The following DENND5B variants were observed in gnomAD, a reference collection of about 807,000 sequenced individuals.
DENND5B encodes the protein DENN domain containing 5B.
A neutral mutation model predicts 140.6 loss-of-function variants in DENND5B; 34 were observed. That is an observed-to-expected ratio of 0.24 (90% confidence interval 0.18 to 0.32). The LOEUF (loss-of-function observed/expected upper bound fraction) is 0.32. DENND5B is among the 10% of genes least tolerant of loss of function. The probability of loss-of-function intolerance (pLI) is 1.00; values close to 1 mark genes in which losing one functional copy is unlikely to be tolerated. For missense variants in DENND5B, 1,142 were observed against 1,560.2 expected (o/e 0.73, Z 4.52); for synonymous variants, 551 against 562.1 (o/e 0.98, Z 0.28).
intron 1 of DENND5B, among the ~76,000 whole-genome samples, chr12:31,585,943 C>T (rs1031887445): frequency 2.0e-5 from 3 of 152,208 alleles, no homozygotes; most frequent in East Asian, 1.9e-4. Context: ...CTGGTCATCA[C>T]ATAATTTGTA....
At position 31,436,344 on chromosome 12, in the gene DENND5B, G is replaced by C. The variant is rs190316859; in HGVS notation, c.2013-3096C>G. 8.6e-5 allele frequency among the ~76,000 whole-genome samples: 13 copies of C among 151,960 alleles called. No individual in the cohort carries two copies. The East Asian group carries it at 2.5e-3, about 30-fold the overall frequency. On this transcript the variant is annotated intron_variant, in intron 7 of 20. Transcript: ENST00000389082. ...TCGAACTCCTGACCTCAAGTGATCT[G>C]CCCGCCTCGGCCTCCCAAAGTGCTG...
At chr12:31,503,554 A>T (rs1350391298) in intron 1 of DENND5B, among the ~76,000 whole-genome samples, 1 of 152,220 alleles carries the variant, frequency 6.6e-6, no homozygotes, top group Non-Finnish European at 1.5e-5. Flanking sequence ...CTGTGTCTAA[A>T]CAAACAATTG....
chr12:31,473,780 G>A (rs1353963638), intron 3 of DENND5B, among the ~76,000 whole-genome samples: 1 of 152,198 alleles, frequency 6.6e-6, no homozygotes, highest in Non-Finnish European at 1.5e-5. Flanking sequence ...TAATGGGAGA[G>A]GACAGTGCCC....
intron 1 of DENND5B, among the ~76,000 whole-genome samples, chr12:31,578,004 A>G (rs1449518800): frequency 3.3e-5 from 5 of 152,006 alleles, no homozygotes; most frequent in African/African-American, 1.2e-4. Context: ...ACACACACCT[A>G]TAGTCCCAGC....
At chr12:31,447,860 C>T in intron 5 of DENND5B, 91 bp from the exon 6 acceptor site, 1 of 888,036 alleles carries the variant, frequency 1.1e-6, no homozygotes. Context: ...TCAGGACATT[C>T]CTTTTTTAAA....
chr12:31,583,720 C>G (rs1236928661), intron 1 of DENND5B, among the ~76,000 whole-genome samples: 1 of 151,674 alleles, frequency 6.6e-6, no homozygotes, highest in Non-Finnish European at 1.5e-5. Context: ...ACAACAACAA[C>G]AAGAATTTAG....
intron 13 of DENND5B, among the ~76,000 whole-genome samples, chr12:31,410,108 T>C (rs770420832): frequency 3.3e-5 from 5 of 152,186 alleles, no homozygotes; most frequent in Non-Finnish European, 7.4e-5. Context: ...ATCAAACTAA[T>C]AAAGACTTAA....
intron 7 of DENND5B, among the ~76,000 whole-genome samples, chr12:31,435,179 G>A (rs536013198): frequency 2.6e-5 from 4 of 151,820 alleles, no homozygotes; most frequent in South Asian, 2.1e-4. Flanking sequence ...TTTCTCTCAC[G>A]ACTACCCATG....
intron 2 of DENND5B, among the ~76,000 whole-genome samples, chr12:31,490,237 GCGA>G (rs1364813948): frequency 6.6e-6 from 1 of 151,802 alleles, no homozygotes. Flanking sequence ...AAGGAAACGG[GCGA>G]GAGGATGGGG....
Position 31,442,839 on chromosome 12 carries a change from A to G in DENND5B, c.1948T>C (p.Tyr650His). 6.2e-7 allele frequency: 1 copy of G among 1,613,388 alleles called. No homozygotes were observed. Among genetic ancestry groups the G allele is most frequent in the Non-Finnish European group, 8.5e-7 (1 of 1,179,732 alleles). ...LLDMKIGQGK[Y>H]EQGFFPKLQS... Reference sequence around the variant, plus strand: ...AACTTTGGAAAGAACCCCTGCTCATATTTGCCTTGACCAATTTTCATATCA... The same window carrying G: ...AACTTTGGAAAGAACCCCTGCTCATGTTTGCCTTGACCAATTTTCATATCA... The change falls in exon 7 of 21, where the codon TAT becomes CAT. Residue 650 changes from tyrosine (Y) to histidine (H), a missense_variant. Tyr to His is a moderately conservative substitution (Grantham distance 83). Transcript: ENST00000389082.
chr12:31,500,095 T>C (rs1946943844), intron 1 of DENND5B, among the ~76,000 whole-genome samples: 1 of 152,232 alleles, frequency 6.6e-6, no homozygotes, highest in Non-Finnish European at 1.5e-5. Context: ...ATTTGCATTA[T>C]ATTTACAGGT....
chr12:31,550,157 G>A (rs1343347935), intron 1 of DENND5B, among the ~76,000 whole-genome samples: 2 of 150,414 alleles, frequency 1.3e-5, no homozygotes, highest in Non-Finnish European at 3.0e-5. Flanking sequence ...CTGGTGTGCT[G>A]CACCCATTAA....
chr12:31,460,835 C>G (rs1944982765), intron 3 of DENND5B, among the ~76,000 whole-genome samples: 1 of 151,986 alleles, frequency 6.6e-6, no homozygotes, highest in Admixed American at 6.6e-5. Flanking sequence ...AAGCGATTCT[C>G]CTGCCTCAGC....
chr12:31,432,464 A>C (rs1943551333), intron 8 of DENND5B: 1 of 152,112 alleles, frequency 6.6e-6, no homozygotes, highest in Non-Finnish European at 1.5e-5. Context: ...TCTTTTGATC[A>C]TAAGAAACGA....
At chr12:31,523,623 G>T (rs529683876) in intron 1 of DENND5B, among the ~76,000 whole-genome samples, 3 of 150,296 alleles carry the variant, frequency 2.0e-5, no homozygotes, top group African/African-American at 7.3e-5. Flanking sequence ...AAAAAAAGTC[G>T]TACAACACTG....
chr12:31,590,652 C>A, intron 1 of DENND5B, 54 bp downstream of exon 1: 1 of 1,409,134 alleles, frequency 7.1e-7, no homozygotes, highest in Non-Finnish European at 9.2e-7. Context: ...CGCGTCCCCA[C>A]AGCGTCCCCC....
At chr12:31,482,461 T>C (rs1946103973) in intron 2 of DENND5B, among the ~76,000 whole-genome samples, 2 of 152,216 alleles carry the variant, frequency 1.3e-5, no homozygotes, top group African/African-American at 4.8e-5. Flanking sequence ...GACAAAAACC[T>C]TGGAGTCATC....
At position 31,452,010 on chromosome 12, in the gene DENND5B, A is replaced by G; in HGVS notation, c.1559T>C (p.Phe520Ser). 1 of 1,613,576 alleles carries G rather than the reference A, an allele frequency of 6.2e-7. No homozygotes were observed. Among genetic ancestry groups the G allele is most frequent in the South Asian group, 1.1e-5 (1 of 90,876 alleles). ...CATGTCCTGGGCAGTCTGAATGACA[A>G]ATGCTTCGTAATCTGCAAACATCTG... ...FTQMFADYEA[F>S]VIQTAQDMES... Residue 520 changes from phenylalanine (F) to serine (S), a missense_variant, in exon 5 of 21, where the codon TTT (phenylalanine) becomes TCT (serine). By Grantham distance (155) the Phe-to-Ser change is radical (BLOSUM62 -2). Coordinates refer to ENST00000389082, the MANE Select transcript of DENND5B (RefSeq NM_144973.4).
rs1591844267 is a variant in DENND5B, at chr12:31,466,230, G to A, written c.905-5849C>T. 2.6e-5 allele frequency among the ~76,000 whole-genome samples: 4 copies of A among 152,092 alleles called. 1 individual carries two copies. The Middle Eastern group carries it at 0.014, about 517-fold the overall frequency. ...TAGTTGGTCATGGTGGTGCACACCT[G>A]TGGTCCCAGCTACTCGGGAGGCTGA... On this transcript the variant is annotated intron_variant, in intron 3 of 20. Coordinates refer to ENST00000389082, the MANE Select transcript of DENND5B (RefSeq NM_144973.4).
Sources: gnomAD v4.1 joint callset for allele counts (sites outside exome capture counted in the v4.1 genomes callset) on GRCh38, gnomAD v4.1.1 for gene constraint, MANE v1.5 for transcripts, NCBI Gene and HGNC (gene_info 2026-07-23, HGNC 2026-07-21) for gene names.